SDHC: variants seen among roughly 807,000 people sequenced by gnomAD.
SDHC encodes succinate dehydrogenase complex subunit C.
In SDHC, 11 loss-of-function variants were observed where a neutral mutation model predicts 22.6. The ratio of observed to expected loss-of-function variants is 0.49; its 90% CI spans 0.31 to 0.81. The LOEUF is 0.81. Among genes scored for constraint, SDHC ranks in the 30% least tolerant of loss-of-function variants. The pLI, the probability that SDHC is intolerant of heterozygous loss-of-function variation, is 0.05. For synonymous variants in SDHC, 80 were observed against 77.8 expected (o/e 1.03, Z -0.15); for missense variants, 160 against 212.0 (o/e 0.75, Z 1.52).
At chr1:161,355,700 A>T (rs56290916) in intron 4 of SDHC, among the ~76,000 whole-genome samples, 17,816 of 152,104 alleles carry the variant, frequency 0.12, 1,421 homozygotes, top group African/African-American at 0.22. Context: ...AGATAAAAAA[A>T]GGGCCAGGCG....
intron 2 of SDHC, among the ~76,000 whole-genome samples, chr1:161,324,949 C>T (rs1046794366): frequency 1.3e-4 from 20 of 152,024 alleles, no homozygotes; most frequent in African/African-American, 4.8e-4. Flanking sequence ...GCCTGTAATC[C>T]CAACACTTTA....
intron 4 of SDHC, among the ~76,000 whole-genome samples, chr1:161,353,073 TTTTGA>T (rs1419491223): frequency 7.9e-5 from 12 of 152,382 alleles, no homozygotes; most frequent in African/African-American, 2.4e-4. Context: ...AGTCTTCTCT[TTTTGA>T]ATTGATTAAA....
intron 1 of SDHC, among the ~76,000 whole-genome samples, chr1:161,321,074 C>T (rs374530763): frequency 8.5e-5 from 13 of 152,286 alleles, no homozygotes; most frequent in African/African-American, 3.1e-4. Flanking sequence ...ATCTGCCCGC[C>T]TCGGCCTCCC....
intron 4 of SDHC, among the ~76,000 whole-genome samples, chr1:161,351,800 G>A (rs1445952322): frequency 6.6e-6 from 1 of 152,216 alleles, no homozygotes; most frequent in Non-Finnish European, 1.5e-5. Flanking sequence ...GAACAGTTAT[G>A]TGCTGTCACA....
chr1:161,316,731 A>T (rs1049783579), intron 1 of SDHC, among the ~76,000 whole-genome samples: 15 of 151,048 alleles, frequency 9.9e-5, no homozygotes, highest in East Asian at 5.8e-4. Context: ...GGAATTAAAA[A>T]TTTTTTTTTT....
At chr1:161,345,707 C>T (rs1184468526) in intron 4 of SDHC, among the ~76,000 whole-genome samples, 4 of 152,186 alleles carry the variant, frequency 2.6e-5, no homozygotes, top group African/African-American at 7.2e-5. Flanking sequence ...CCGCCCGCCT[C>T]GGCCTCCCAA....
At position 161,331,664 on chromosome 1, in the gene SDHC, C is replaced by T. The variant is rs563684804; in HGVS notation, c.179+3167C>T. Among the ~76,000 whole-genome samples the T allele has an allele frequency of 5.3e-4, 80 of 151,676 alleles. 1 individual carries two copies. Among genetic ancestry groups the T allele is most frequent in the South Asian group, 1.0e-3 (5 of 4,788 alleles). ...GGGCTGCAATGCAGTGGCGCAGTCC[C>T]GGCTCACTGTAACCCCCGCCTCCCT... On this transcript the variant is annotated intron_variant, in intron 3 of 5. Transcript: ENST00000367975.
chr1:161,328,289 A>G (rs572013040), intron 2 of SDHC, 107 bp from the exon 3 acceptor site: 7 of 905,756 alleles, frequency 7.7e-6, no homozygotes, highest in Admixed American at 5.2e-5. Context: ...GGCCTGAGCA[A>G]CCATGCCTGG....
At chr1:161,354,771 G>A (rs370668494) in intron 4 of SDHC, among the ~76,000 whole-genome samples, 2 of 151,056 alleles carry the variant, frequency 1.3e-5, no homozygotes, top group East Asian at 1.9e-4. Flanking sequence ...GTGCAGTGGT[G>A]CGATCTCAGC....
chr1:161,357,686 A>G (rs1009321542), intron 5 of SDHC, among the ~76,000 whole-genome samples: 1 of 152,208 alleles, frequency 6.6e-6, no homozygotes, highest in African/African-American at 2.4e-5. Context: ...GACGTGAGCC[A>G]CTGTGCCCTG....
intron 2 of SDHC, among the ~76,000 whole-genome samples, chr1:161,326,039 T>C (rs1189125184): frequency 6.6e-6 from 1 of 151,904 alleles, no homozygotes; most frequent in African/African-American, 2.4e-5. Context: ...CCATCTTGAC[T>C]GAAAATACAA....
intron 3 of SDHC, among the ~76,000 whole-genome samples, chr1:161,331,511 G>A (rs1418278394): frequency 6.6e-6 from 1 of 151,860 alleles, no homozygotes; most frequent in Admixed American, 6.6e-5. Flanking sequence ...CAAGCTCCTG[G>A]GCTCAAGTGA....
At chr1:161,318,858 A>C (rs1670728832) in intron 1 of SDHC, among the ~76,000 whole-genome samples, 1 of 151,332 alleles carries the variant, frequency 6.6e-6, no homozygotes, top group South Asian at 2.1e-4. Flanking sequence ...ACATGGAGAA[A>C]CCTCGTCTCT....
At chr1:161,352,491 A>G (rs143716689) in intron 4 of SDHC, among the ~76,000 whole-genome samples, 76 of 152,306 alleles carry the variant, frequency 5.0e-4, no homozygotes, top group African/African-American at 1.8e-3. Context: ...TATACTTAGA[A>G]AAGTTGCCCA....
intron 4 of SDHC, among the ~76,000 whole-genome samples, chr1:161,354,644 C>T (rs1181310910): frequency 7.2e-6 from 1 of 138,320 alleles, no homozygotes; most frequent in Non-Finnish European, 1.6e-5. Context: ...TCCCATTTTA[C>T]AGATGATGTC....
chr1:161,341,054 A>G lies in SDHC; in HGVS notation c.241+399A>G, dbSNP rs575448595. 5.3e-5 allele frequency among the ~76,000 whole-genome samples: 8 copies of G among 152,302 alleles called. No homozygotes were observed. In the East Asian group the frequency reaches 1.5e-3, roughly 29 times the overall value. On this transcript the variant is annotated intron_variant, in intron 4 of 5. Coordinates refer to ENST00000367975, the MANE Select transcript of SDHC (RefSeq NM_003001.5). ...GAGACGGGGTTTCACCATGTTAGCC[A>G]GGATGGTCTTGATCTGACCTCATGA...
chr1:161,327,691 A>G (rs1571850151), intron 2 of SDHC, among the ~76,000 whole-genome samples: 2 of 151,772 alleles, frequency 1.3e-5, no homozygotes, highest in East Asian at 3.9e-4. Context: ...CCTCCTAGGT[A>G]GGTGGGATTA....
At position 161,341,432 on chromosome 1, in the gene SDHC, GA is replaced by G. The variant is rs578012788; in HGVS notation, c.241+779del. ...ATAATATGAACTGCAGCTACAGAGT[GA>G]ATTATATACTGGTCTTAGATAATTA... is the stretch of plus-strand genomic sequence containing the variant. On this transcript the variant is annotated intron_variant, in intron 4 of 5. Coordinates refer to ENST00000367975, the MANE Select transcript of SDHC (RefSeq NM_003001.5). 1.2e-4 allele frequency among the ~76,000 whole-genome samples: 18 copies of G among 152,280 alleles called. No individual in the cohort carries two copies. The South Asian group carries it at 3.7e-3, about 32-fold the overall frequency.
In SDHC at chr1:161,339,662, GTTTTTTTTTTTT is replaced by G. The variant is rs532317918; in HGVS notation, c.180-915_180-904del. 4.3e-3 allele frequency: 221 copies of G among 51,682 alleles called. 4 individuals are homozygous for G. The highest frequency in any genetic ancestry group is 0.012 in the South Asian group (48 of 4,164). 3.2% of individuals were successfully genotyped at this position (51,682 alleles called of 1,614,324 possible). On this transcript the variant is annotated intron_variant, in intron 3 of 5. Coordinates refer to ENST00000367975, the MANE Select transcript of SDHC (RefSeq NM_003001.5). ...TTTGTAACCTAATCCTGATACAGGT[GTTTTTTTTTTTT>G]TTTTTTTTTTTTTTTTGGAGACAGA...
Sources: gnomAD v4.1 joint callset for allele counts (sites outside exome capture counted in the v4.1 genomes callset) on GRCh38, gnomAD v4.1.1 for gene constraint, MANE v1.5 for transcripts, NCBI Gene and HGNC (gene_info 2026-07-23, HGNC 2026-07-21) for gene names.